The following DMD variants were observed in gnomAD, a reference collection of about 807,000 sequenced individuals.
DMD encodes the protein mutant dystrophin.
A neutral mutation model predicts 330.1 loss-of-function variants in DMD; 63 were observed. The ratio of observed to expected loss-of-function variants is 0.19; its 90% CI spans 0.16 to 0.24. The LOEUF is 0.24. Among genes scored for constraint, DMD ranks in the 10% least tolerant of loss-of-function variants. The probability of loss-of-function intolerance (pLI) is 1.00; values close to 1 mark genes in which losing one functional copy is unlikely to be tolerated. For synonymous variants in DMD, 1,223 were observed against 959.8 expected (o/e 1.27, Z -5.07); for missense variants, 3,344 against 2,684.1 (o/e 1.25, Z -5.43).
At chrX:32,084,946 C>T (rs1411886987) in intron 44 of DMD, among the ~76,000 whole-genome samples, 5 of 111,370 alleles carry the variant, frequency 4.5e-5, no homozygotes, top group African/African-American at 9.8e-5. Flanking sequence ...AACCTGGCCC[C>T]GGGCTCTATC....
chrX:32,837,025 G>C (rs1195485584), intron 4 of DMD, among the ~76,000 whole-genome samples: 2 of 111,252 alleles, frequency 1.8e-5, no homozygotes, highest in African/African-American at 6.5e-5. Flanking sequence ...CCCCAAATTA[G>C]CCAGAAACCA....
chrX:32,118,349 T>C (rs1048681038), intron 44 of DMD, among the ~76,000 whole-genome samples: 2 of 111,383 alleles, frequency 1.8e-5, no homozygotes, highest in African/African-American at 6.5e-5. Flanking sequence ...TTCCCCTCCA[T>C]CATAGTTCAA....
intron 1 of DMD, among the ~76,000 whole-genome samples, chrX:33,136,768 A>T (rs761392147): frequency 1.8e-5 from 2 of 110,819 alleles, no homozygotes; most frequent in East Asian, 5.8e-4. Flanking sequence ...CTGCAGAAAC[A>T]GTTCTGCAGC....
At chrX:32,648,614 A>G (rs1185889100) in intron 9 of DMD, among the ~76,000 whole-genome samples, 1 of 112,087 alleles carries the variant, frequency 8.9e-6, no homozygotes, top group East Asian at 2.8e-4. Flanking sequence ...GTAAAACAAA[A>G]TTGGAAATGG....
At chrX:32,123,794 C>A (rs1024269812) in intron 44 of DMD, among the ~76,000 whole-genome samples, 2 of 111,707 alleles carry the variant, frequency 1.8e-5, no homozygotes, top group African/African-American at 6.5e-5. Context: ...ACATTTGTTG[C>A]GTTAAAAGTA....
At chrX:31,338,417 G>T (rs2148414013) in intron 61 of DMD, among the ~76,000 whole-genome samples, 1 of 109,066 alleles carries the variant, frequency 9.2e-6, no homozygotes, top group South Asian at 4.1e-4. Context: ...AGTGAGCCAA[G>T]ATCACGCCAT....
intron 44 of DMD, among the ~76,000 whole-genome samples, chrX:31,987,359 T>C (rs1251664450): frequency 1.8e-5 from 2 of 111,591 alleles, no homozygotes; most frequent in Non-Finnish European, 3.8e-5. Flanking sequence ...TTGACAATAG[T>C]CTCCATACTA....
chrX:32,234,511 G>A (rs1258462061), intron 43 of DMD, among the ~76,000 whole-genome samples: 1 of 111,068 alleles, frequency 9.0e-6, no homozygotes, highest in Non-Finnish European at 1.9e-5. Flanking sequence ...TTTGGGACAT[G>A]GCCAGGGCAT....
chrX:32,844,964 C>T (rs910791115), intron 3 of DMD, 104 bp from the exon 4 acceptor site: 25 of 655,270 alleles, frequency 3.8e-5, no homozygotes, highest in South Asian at 9.3e-5. Context: ...ATATTGTAAA[C>T]GAACAGAGCC....
chrX:31,502,069 T>G (rs963900830), intron 56 of DMD, among the ~76,000 whole-genome samples: 1 of 111,295 alleles, frequency 9.0e-6, no homozygotes, highest in Non-Finnish European at 1.9e-5. Flanking sequence ...GATATCCATA[T>G]GCAGAATGAA....
intron 45 of DMD, among the ~76,000 whole-genome samples, chrX:31,935,988 T>G (rs181267733): frequency 6.3e-5 from 7 of 111,265 alleles, no homozygotes; most frequent in Admixed American, 5.8e-4. Context: ...AGTTGAGATT[T>G]ATATGTATTA....
At chrX:32,384,494 T>C (rs2097945146) in intron 33 of DMD, among the ~76,000 whole-genome samples, 1 of 111,149 alleles carries the variant, frequency 9.0e-6, no homozygotes, top group Non-Finnish European at 1.9e-5. Flanking sequence ...AGTAGGAGAA[T>C]CTTTTGTCAT....
At chrX:33,047,501 T>A (rs2094399077) in intron 1 of DMD, among the ~76,000 whole-genome samples, 1 of 111,057 alleles carries the variant, frequency 9.0e-6, no homozygotes, top group Non-Finnish European at 1.9e-5. Flanking sequence ...TACTGGCGAT[T>A]TTTTTTTAAA....
At chrX:31,521,717 T>C (rs2072781093) in intron 55 of DMD, among the ~76,000 whole-genome samples, 2 of 111,826 alleles carry the variant, frequency 1.8e-5, no homozygotes, top group Non-Finnish European at 3.8e-5. Context: ...TGCTTGAGTT[T>C]GTGATACGGT....
chrX:32,442,980 A>G (rs1469547826), intron 27 of DMD, among the ~76,000 whole-genome samples: 1 of 111,024 alleles, frequency 9.0e-6, no homozygotes, highest in Non-Finnish European at 1.9e-5. Flanking sequence ...AAACAAAGGA[A>G]TAACAAAGGT....
intron 41 of DMD, among the ~76,000 whole-genome samples, chrX:32,330,347 T>C (rs1035407977): frequency 8.9e-6 from 1 of 112,218 alleles, no homozygotes; most frequent in Admixed American, 9.5e-5. Flanking sequence ...GAAAACAATA[T>C]ACACTTGAAT....
At chrX:33,237,280 G>A (rs1437291303) in intron 1 of DMD, among the ~76,000 whole-genome samples, 1 of 90,099 alleles carries the variant, frequency 1.1e-5, no homozygotes, top group Admixed American at 1.4e-4. Context: ...TTTCACTCTT[G>A]TTGCCCAGGC....
rs138063458 is a variant in DMD, at chrX:32,540,801, A to G, written c.2168+4358T>C. The stretch of plus-strand genomic sequence containing the variant: ...TGTAATTTACTGGCTGAAGTGGAAT[A>G]ATGATTATTGGGAAGGTAGACATAA... On this transcript the variant is annotated intron_variant, in intron 17 of 78. Transcript: ENST00000357033. 7.7e-3 allele frequency among the ~76,000 whole-genome samples: 868 copies of G among 112,004 alleles called. 8 individuals are homozygous for G. Among genetic ancestry groups the G allele is most frequent in the African/African-American group, 0.026 (810 of 30,866 alleles).
At chrX:31,126,451 C>G (rs1212168012) in intron 78 of DMD, among the ~76,000 whole-genome samples, 191 bp downstream of exon 78, 2 of 111,820 alleles carry the variant, frequency 1.8e-5, no homozygotes, top group African/African-American at 6.5e-5. Context: ...ATGGTGATGA[C>G]AACGGCAATG....
Sources: allele counts gnomAD v4.1 joint callset (sites outside exome capture counted in the v4.1 genomes callset), GRCh38; gene constraint gnomAD v4.1.1; transcripts MANE v1.5; gene names NCBI Gene and HGNC (gene_info 2026-07-23, HGNC 2026-07-21).